RDH12: variants seen among roughly 807,000 people sequenced by gnomAD.
The protein encoded by RDH12 is all-trans and 9-cis retinol dehydrogenase.
A neutral mutation model predicts 34.0 loss-of-function variants in RDH12; 21 were observed. That is an observed-to-expected ratio of 0.62 (90% CI 0.44 to 0.89). The LOEUF (loss-of-function observed/expected upper bound fraction) is 0.89. Ranked by LOEUF, RDH12 falls within the 40% of genes least tolerant of loss-of-function variation. The pLI is 0.00. For synonymous variants in RDH12, 198 were observed against 169.9 expected (o/e 1.17, Z -1.29); for missense variants, 394 against 398.6 (o/e 0.99, Z 0.10).
At chr14:67,731,714 A>G (rs1327466421) in intron 8 of RDH12, among the ~76,000 whole-genome samples, 1 of 152,200 alleles carries the variant, frequency 6.6e-6, no homozygotes, top group Non-Finnish European at 1.5e-5. Context: ...TACATAGAGA[A>G]CAGTCTGGAG....
At chr14:67,724,678 C>T in intron 4 of RDH12, 87 bp downstream of exon 4, 2 of 1,052,170 alleles carry the variant, frequency 1.9e-6, no homozygotes, top group African/African-American at 1.6e-5. Context: ...TTTGTGTTTC[C>T]TCCTAGGCTT....
At chr14:67,720,763 A>C (rs898558828) in intron 1 of RDH12, 85 bp from the exon 2 acceptor site, 2 of 152,154 alleles carry the variant, frequency 1.3e-5, no homozygotes, top group Non-Finnish European at 2.9e-5. Context: ...TTGGATTATA[A>C]TATTTAACAT....
intron 1 of RDH12, among the ~76,000 whole-genome samples, chr14:67,704,253 G>C (rs1231766411): frequency 6.6e-6 from 1 of 152,154 alleles, no homozygotes; most frequent in Non-Finnish European, 1.5e-5. Flanking sequence ...GGTAGAAGGA[G>C]GAGGAGCAGC....
rs200067509 is a variant in RDH12 at position 67,732,152 on chromosome 14, T to G, written c.849-1594T>G. Among the ~76,000 whole-genome samples, 44 of 143,018 alleles carry G rather than the reference T, an allele frequency of 3.1e-4. 1 individual carries two copies. In the East Asian group the frequency reaches 9.0e-3, roughly 29 times the overall value. 93.8% of individuals were successfully genotyped at this position (143,018 alleles called of 152,430 possible). A position where few individuals can be genotyped will look rare whatever the true frequency, so the allele number is the denominator to read the frequency against. ...AAAAAAAAAAAAAAAAAAAAAAATT[T>G]AAGGCTGGGTGTGGCGGCTCATGCC... On this transcript the variant is annotated intron_variant, in intron 8 of 8. Coordinates refer to ENST00000551171, the MANE Select transcript of RDH12 (RefSeq NM_152443.3).
intron 1 of RDH12, among the ~76,000 whole-genome samples, chr14:67,710,406 G>A (rs939409702): frequency 2.0e-5 from 3 of 152,038 alleles, no homozygotes; most frequent in Non-Finnish European, 4.4e-5. Flanking sequence ...AAAGTTTTTG[G>A]TTTTGTTTGT....
chr14:67,724,410 A>C (rs2038160994), intron 3 of RDH12, 63 bp from the exon 4 acceptor site: 1 of 889,594 alleles, frequency 1.1e-6, no homozygotes, highest in African/African-American at 1.9e-5. Context: ...TTTTTTTTTT[A>C]ACGTATCTTA....
intron 6 of RDH12, 36 bp downstream of exon 6, chr14:67,726,191 C>T (rs200747833): frequency 2.5e-6 from 3 of 1,191,810 alleles, no homozygotes; most frequent in Admixed American, 1.7e-5. Flanking sequence ...ATGAGGTACA[C>T]CCACTATCTT....
intron 1 of RDH12, among the ~76,000 whole-genome samples, chr14:67,706,862 T>C (rs1014229898): frequency 3.3e-5 from 5 of 152,200 alleles, no homozygotes. Context: ...GATGGTTCGT[T>C]CCTAGACAGG....
chr14:67,727,469 G>T, intron 7 of RDH12: 5 of 377,616 alleles, frequency 1.3e-5, no homozygotes, highest in South Asian at 2.6e-5. Context: ...ACAGACAGAG[G>T]CTTTTTGTTT....
chr14:67,707,848 TTACC>T (rs1306002434), intron 1 of RDH12, among the ~76,000 whole-genome samples: 1 of 152,298 alleles, frequency 6.6e-6, no homozygotes, highest in South Asian at 2.1e-4. Flanking sequence ...GTGACATTCT[TTACC>T]TACCACAGAT....
At chr14:67,713,706 A>G (rs1191273449) in intron 1 of RDH12, among the ~76,000 whole-genome samples, 1 of 152,214 alleles carries the variant, frequency 6.6e-6, no homozygotes. Context: ...GCGCGTACCC[A>G]AGACACAGCC....
chr14:67,722,805 T>C (rs1416454575), intron 3 of RDH12, 95 bp downstream of exon 3: 42 of 1,062,772 alleles, frequency 4.0e-5, no homozygotes, highest in Non-Finnish European at 5.2e-5. Context: ...GGAAGGAGGC[T>C]GACAGAGGAG....
intron 7 of RDH12, 139 bp from the exon 8 acceptor site, chr14:67,729,052 C>A: frequency 1.2e-6 from 1 of 865,030 alleles, no homozygotes. Flanking sequence ...TTCCGCCTGG[C>A]CAGGAGTGGT....
intron 1 of RDH12, among the ~76,000 whole-genome samples, chr14:67,719,659 G>A (rs895511693): frequency 2.0e-5 from 3 of 151,728 alleles, no homozygotes; most frequent in African/African-American, 7.3e-5. Flanking sequence ...TTTCCTTTTT[G>A]TAGAGACGGG....
At chr14:67,719,328 A>T (rs1328966126) in intron 1 of RDH12, among the ~76,000 whole-genome samples, 1 of 152,216 alleles carries the variant, frequency 6.6e-6, no homozygotes. Context: ...TCGCAATAGA[A>T]TTTGAGTGCC....
chr14:67,704,049 C>T (rs772016465), intron 1 of RDH12, among the ~76,000 whole-genome samples: 7 of 152,120 alleles, frequency 4.6e-5, no homozygotes, highest in African/African-American at 9.7e-5. Context: ...CTGTTGGATT[C>T]GTATTTTTAT....
rs1273278606 is a variant in RDH12 at position 67,705,725 on chromosome 14, A to T, written c.-275+3790A>T. On this transcript the variant is annotated intron_variant, in intron 1 of 8. Coordinates refer to ENST00000551171, the MANE Select transcript of RDH12 (RefSeq NM_152443.3). ...GAAGCTGAGTGAAAAGTATGCAGGA[A>T]TTTTTTGTATTATTTTTGCAATTTT... 3.9e-5 allele frequency among the ~76,000 whole-genome samples: 6 copies of T among 152,290 alleles called. No individual in the cohort carries two copies. The South Asian group carries it at 8.3e-4, about 21-fold the overall frequency.
chr14:67,721,003 G>C (rs2038118305), intron 2 of RDH12, 101 bp downstream of exon 2: 1 of 152,150 alleles, frequency 6.6e-6, no homozygotes, highest in Non-Finnish European at 1.5e-5. Context: ...CAGGTCCATG[G>C]GTTTCCCCAG....
In RDH12 at chr14:67,719,397, C is replaced by T. The variant is rs75093615; in HGVS notation, c.-274-1451C>T. Among the ~76,000 whole-genome samples the T allele has an allele frequency of 4.5e-3, 679 of 152,286 alleles. 35 individuals are homozygous for T. The East Asian group carries it at 0.1, about 23-fold the overall frequency. On this transcript the variant is annotated intron_variant, in intron 1 of 8. Transcript: ENST00000551171. ...TAAGCCATCAGTCTTAAGACCTTTT[C>T]CAAGCAGTTCATTTGGAAGCCTGTG...
Sources: allele counts gnomAD v4.1 joint callset (sites outside exome capture counted in the v4.1 genomes callset), GRCh38; gene constraint gnomAD v4.1.1; transcripts MANE v1.5; gene names NCBI Gene and HGNC (gene_info 2026-07-23, HGNC 2026-07-21).